Variants in DAB1 observed in about 807,000 individuals in gnomAD.
DAB1 encodes disabled homolog 1.
Under a neutral mutation model 64.6 loss-of-function variants are expected in DAB1, and 15 were observed. That is an observed-to-expected ratio of 0.23 (90% CI 0.16 to 0.36). DAB1 has a LOEUF of 0.36. DAB1 is among the 10% of genes least tolerant of loss of function. The probability of loss-of-function intolerance (pLI) is 1.00; values close to 1 mark genes in which losing one functional copy is unlikely to be tolerated. For synonymous variants in DAB1, 235 were observed against 251.9 expected, an observed-to-expected ratio of 0.93 and a Z score of 0.64; for missense variants, 596 against 706.7, an observed-to-expected ratio of 0.84 and a Z score of 1.78.
At chr1:57,176,499 G>T (rs1310595683) in intron 2 of DAB1, among the ~76,000 whole-genome samples, 1 of 152,040 alleles carries the variant, frequency 6.6e-6, no homozygotes, top group African/African-American at 2.4e-5. Context: ...TGACACATGG[G>T]AATTGTGGGA....
intron 8 of DAB1, among the ~76,000 whole-genome samples, chr1:57,063,150 AT>A (rs1650568911): frequency 6.6e-6 from 1 of 152,094 alleles, no homozygotes; most frequent in Non-Finnish European, 1.5e-5. Flanking sequence ...AGTGGGCATC[AT>A]TTAACAAAGG....
chr1:57,990,730 CT>C (rs1646322978), intron 5 of DAB1, among the ~76,000 whole-genome samples: 1 of 152,116 alleles, frequency 6.6e-6, no homozygotes. Context: ...CAGCAGTATG[CT>C]GGTCCCATAT....
intron 7 of DAB1, among the ~76,000 whole-genome samples, chr1:57,606,795 T>TATATAGAGAG (rs1553199598): frequency 1.5e-5 from 2 of 133,168 alleles, no homozygotes; most frequent in Admixed American, 8.9e-5. Flanking sequence ...CATATATATA[T>TATATAGAGAG]AGAGAGAGAG....
chr1:57,490,462 C>A (rs944653083), intron 7 of DAB1, among the ~76,000 whole-genome samples: 3 of 151,970 alleles, frequency 2.0e-5, no homozygotes, highest in Non-Finnish European at 4.4e-5. Context: ...TTAATGTTTT[C>A]ATTTTAATGT....
chr1:58,176,156 C>T (rs1458451376), intron 4 of DAB1, among the ~76,000 whole-genome samples: 2 of 152,148 alleles, frequency 1.3e-5, no homozygotes, highest in African/African-American at 2.4e-5. Context: ...TCGAGGGAGC[C>T]ATATCCACAA....
intron 6 of DAB1, among the ~76,000 whole-genome samples, chr1:57,799,656 G>T (rs1651035525): frequency 6.6e-6 from 1 of 151,900 alleles, no homozygotes; most frequent in African/African-American, 2.4e-5. Flanking sequence ...TCAACAAACT[G>T]CAGCTCACAG....
At chr1:57,083,428 T>C (rs1253953677) in intron 4 of DAB1, among the ~76,000 whole-genome samples, 1 of 152,198 alleles carries the variant, frequency 6.6e-6, no homozygotes, top group Non-Finnish European at 1.5e-5. Context: ...ATGTAACCAA[T>C]GGTTTTAACA....
chr1:57,554,242 A>G (rs763898787), intron 7 of DAB1, among the ~76,000 whole-genome samples: 2 of 152,254 alleles, frequency 1.3e-5, no homozygotes, highest in Admixed American at 1.3e-4. Flanking sequence ...ATCTTGGAGA[A>G]GTGCAATGCA....
intron 5 of DAB1, among the ~76,000 whole-genome samples, chr1:57,991,989 G>T (rs887656697): frequency 6.6e-6 from 1 of 151,980 alleles, no homozygotes; most frequent in Non-Finnish European, 1.5e-5. Context: ...AGCAGACGCA[G>T]AGACACAGCA....
chr1:57,498,886 G>A (rs187623095), intron 7 of DAB1, among the ~76,000 whole-genome samples: 5 of 152,318 alleles, frequency 3.3e-5, no homozygotes, highest in African/African-American at 7.2e-5. Flanking sequence ...CTATGTGAAC[G>A]AATTGGTTTT....
At chr1:57,390,579 C>T (rs1041685995) in intron 1 of DAB1, among the ~76,000 whole-genome samples, 3 of 152,140 alleles carry the variant, frequency 2.0e-5, no homozygotes, top group African/African-American at 2.4e-5. Context: ...GGCATATAAC[C>T]TTCTTCTGGA....
chr1:58,238,324 G>A (rs924793389), intron 4 of DAB1, among the ~76,000 whole-genome samples: 92 of 152,202 alleles, frequency 6.0e-4, no homozygotes, highest in African/African-American at 2.2e-3. Flanking sequence ...CTTCCATCAT[G>A]AACGGTAAAT....
intron 5 of DAB1, among the ~76,000 whole-genome samples, chr1:57,921,814 A>G (rs1387248271): frequency 1.3e-5 from 2 of 152,072 alleles, no homozygotes; most frequent in South Asian, 4.1e-4. Context: ...CGCAGTAACA[A>G]AACAAAATTC....
chr1:57,202,427 T>G (rs770420819), intron 2 of DAB1, among the ~76,000 whole-genome samples: 1 of 152,210 alleles, frequency 6.6e-6, no homozygotes, highest in African/African-American at 2.4e-5. Flanking sequence ...GCAGTTCCAC[T>G]TGGGAACCCA....
chr1:57,416,255 A>G (rs1306488205), intron 1 of DAB1, among the ~76,000 whole-genome samples: 1 of 152,206 alleles, frequency 6.6e-6, no homozygotes, highest in Admixed American at 6.5e-5. Context: ...AATTTTTTCA[A>G]GATGTCCCTT....
At chr1:57,298,264 A>G (rs751615150) in intron 1 of DAB1, among the ~76,000 whole-genome samples, 4 of 152,174 alleles carry the variant, frequency 2.6e-5, no homozygotes, top group Non-Finnish European at 5.9e-5. Context: ...CAGGAACCCA[A>G]TGGCAGCAGT....
At chr1:58,280,128 T>C (rs1290965141) in intron 4 of DAB1, among the ~76,000 whole-genome samples, 3 of 152,118 alleles carry the variant, frequency 2.0e-5, no homozygotes, top group Non-Finnish European at 4.4e-5. Context: ...ATATCTGCAG[T>C]GTGAGCTCCA....
upstream of DAB1, chr1:57,884,115 C>A (rs1313160831): frequency 6.6e-6 from 1 of 152,232 alleles, no homozygotes; most frequent in Non-Finnish European, 1.5e-5. Context: ...CCCAAGATTG[C>A]CGGGGCCACG....
intron 1 of DAB1, among the ~76,000 whole-genome samples, chr1:57,311,890 G>A (rs192248667): frequency 2.2e-3 from 332 of 152,260 alleles, no homozygotes; most frequent in Non-Finnish European, 4.0e-3. Flanking sequence ...AAGACCACAA[G>A]GTGAAGTCAG....
Sources: allele counts gnomAD v4.1 joint callset (sites outside exome capture counted in the v4.1 genomes callset), GRCh38; gene constraint gnomAD v4.1.1; transcripts MANE v1.5; gene names NCBI Gene and HGNC (gene_info 2026-07-23, HGNC 2026-07-21).